DLGAP2: variants seen among roughly 807,000 people sequenced by gnomAD.
DLGAP2 encodes the protein disks large-associated protein 2.
DLGAP2 carries 26 observed loss-of-function variants against 100.3 expected under a neutral mutation model. That is an observed-to-expected ratio of 0.26 (90% CI 0.19 to 0.36). The LOEUF (loss-of-function observed/expected upper bound fraction) is 0.36, where lower values mean the gene tolerates loss of function less well. Among genes scored for constraint, DLGAP2 ranks in the 10% least tolerant of loss-of-function variants. The pLI is 1.00. For missense variants in DLGAP2, 1,858 were observed against 1,453.2 expected (o/e 1.28, Z -4.53); for synonymous variants, 886 against 630.1 (o/e 1.41, Z -6.08).
chr8:1,491,655 T>C (rs192127297), intron 3 of DLGAP2, among the ~76,000 whole-genome samples: 5 of 152,344 alleles, frequency 3.3e-5, no homozygotes, highest in Non-Finnish European at 7.3e-5. Flanking sequence ...CTGAAACAGG[T>C]TGTAGAAAAT....
At chr8:1,369,280 G>C (rs1442156225) in intron 3 of DLGAP2, 1 of 152,158 alleles carries the variant, frequency 6.6e-6, no homozygotes, top group Non-Finnish European at 1.5e-5. Context: ...CCCAGATGGA[G>C]ATGTGGGCAG....
At chr8:815,708 G>A (rs116484981) in intron 1 of DLGAP2, among the ~76,000 whole-genome samples, 1 of 152,136 alleles carries the variant, frequency 6.6e-6, no homozygotes, top group East Asian at 1.9e-4. Flanking sequence ...TATCCCTAAT[G>A]TGCCTATCGT....
chr8:880,682 G>A (rs1300226873), intron 1 of DLGAP2, among the ~76,000 whole-genome samples: 1 of 151,494 alleles, frequency 6.6e-6, no homozygotes, highest in Non-Finnish European at 1.5e-5. Context: ...CGGGGTGACC[G>A]TCCAGTGTGT....
At chr8:1,460,124 CTG>C (rs1798432140) in intron 3 of DLGAP2, among the ~76,000 whole-genome samples, 1 of 152,200 alleles carries the variant, frequency 6.6e-6, no homozygotes, top group African/African-American at 2.4e-5. Context: ...GGACTCGGTT[CTG>C]CGGCCCCGGG....
intron 4 of DLGAP2, among the ~76,000 whole-genome samples, chr8:1,529,685 A>T (rs1800919971): frequency 6.6e-6 from 1 of 152,248 alleles, no homozygotes; most frequent in East Asian, 1.9e-4. Context: ...ATGTGAAAAA[A>T]TGGCAAATAA....
chr8:1,185,858 G>T (rs1355828573), intron 2 of DLGAP2, among the ~76,000 whole-genome samples: 4 of 152,146 alleles, frequency 2.6e-5, no homozygotes, highest in Non-Finnish European at 4.4e-5. Context: ...CCAATCAGCA[G>T]TGACGCCCAA....
chr8:1,665,915 C>T (rs780485066), intron 8 of DLGAP2, among the ~76,000 whole-genome samples: 8 of 152,348 alleles, frequency 5.3e-5, no homozygotes, highest in African/African-American at 9.6e-5. Flanking sequence ...TCTCCACCCG[C>T]GGGCTCTCTG....
intron 1 of DLGAP2, among the ~76,000 whole-genome samples, chr8:842,801 A>G (rs537257018): frequency 2.2e-4 from 33 of 151,572 alleles, no homozygotes; most frequent in Middle Eastern, 6.8e-3. Flanking sequence ...TGTTTCCTCT[A>G]TTTTATTCTT....
At position 1,626,872 on chromosome 8, in the gene DLGAP2, C is replaced by G. The variant is rs779850325; in HGVS notation, c.1575C>G (p.Ala525=). ...YMRAVSTLSQ[A]SCVSQVSEAE... is the part of the protein sequence containing the mutation. ...GGGCCGTCAGCACCCTGAGCCAGGC[C>G]AGCTGCGTGAGCCAGGTCAGGGTCC... Residue 525 remains alanine, a synonymous_variant, in exon 7 of 15, where the codon GCC becomes GCG. Transcript: ENST00000637795. 1.9e-6 allele frequency: 3 copies of G among 1,603,504 alleles called. No homozygotes were observed. Among genetic ancestry groups the G allele is most frequent in the Non-Finnish European group, 2.6e-6 (3 of 1,175,260 alleles).
At chr8:1,345,839 T>G (rs1466845430) in intron 3 of DLGAP2, among the ~76,000 whole-genome samples, 15 of 152,238 alleles carry the variant, frequency 9.9e-5, no homozygotes, top group Admixed American at 9.8e-4. Context: ...TAACTGAGCG[T>G]GCTTAGAGTG....
intron 2 of DLGAP2, among the ~76,000 whole-genome samples, chr8:951,435 G>C (rs2129007888): frequency 6.6e-6 from 1 of 152,252 alleles, no homozygotes; most frequent in Admixed American, 6.5e-5. Context: ...TTTTTTAATA[G>C]AGATGGGGTT....
intron 4 of DLGAP2, among the ~76,000 whole-genome samples, chr8:1,505,958 T>C (rs934160775): frequency 1.3e-5 from 2 of 152,210 alleles, no homozygotes; most frequent in Non-Finnish European, 2.9e-5. Flanking sequence ...GCAGATTAAA[T>C]TATCAAAGTA....
intron 6 of DLGAP2, among the ~76,000 whole-genome samples, chr8:1,584,699 C>T (rs1337936317): frequency 6.6e-6 from 1 of 152,138 alleles, no homozygotes; most frequent in African/African-American, 2.4e-5. Flanking sequence ...TCGAATGGCA[C>T]TTGGCACTTG....
intron 1 of DLGAP2, among the ~76,000 whole-genome samples, chr8:758,086 C>T (rs1360637377): frequency 6.6e-6 from 1 of 152,128 alleles, no homozygotes; most frequent in African/African-American, 2.4e-5. Context: ...CCATATGTGG[C>T]TGTTGGAAAG....
intron 2 of DLGAP2, among the ~76,000 whole-genome samples, chr8:1,110,783 C>A (rs7838632): frequency 0.029 from 4,282 of 149,992 alleles, 203 homozygotes; most frequent in African/African-American, 0.099. Flanking sequence ...TTTTACAGAC[C>A]CTCTCTCTCA....
chr8:1,661,988 C>T (rs1264573286), intron 8 of DLGAP2, among the ~76,000 whole-genome samples: 7 of 152,174 alleles, frequency 4.6e-5, no homozygotes, highest in African/African-American at 1.4e-4. Context: ...ACGCTCCTTA[C>T]AGTATGGTGA....
chr8:1,268,167 C>A (rs1487963983), intron 3 of DLGAP2, among the ~76,000 whole-genome samples: 2 of 152,120 alleles, frequency 1.3e-5, no homozygotes, highest in African/African-American at 4.8e-5. Flanking sequence ...TTCAGGTATT[C>A]TGGCATTGAA....
At chr8:1,203,393 C>A (rs1342761626) in intron 2 of DLGAP2, among the ~76,000 whole-genome samples, 1 of 151,916 alleles carries the variant, frequency 6.6e-6, no homozygotes, top group Non-Finnish European at 1.5e-5. Flanking sequence ...GACGAGGCCG[C>A]CCACCCTTCG....
At chr8:1,084,669 C>A (rs754908119) in intron 2 of DLGAP2, among the ~76,000 whole-genome samples, 17 of 152,214 alleles carry the variant, frequency 1.1e-4, no homozygotes, top group Admixed American at 5.2e-4. Context: ...AGCGTGATAT[C>A]CTCCCATTCC....
Sources: gnomAD v4.1 joint callset for allele counts (sites outside exome capture counted in the v4.1 genomes callset) on GRCh38, gnomAD v4.1.1 for gene constraint, MANE v1.5 for transcripts, NCBI Gene and HGNC (gene_info 2026-07-23, HGNC 2026-07-21) for gene names.